Variants in PPT1 observed in about 807,000 individuals in gnomAD.
PPT1 encodes the protein palmitoyl-protein thioesterase 1.
PPT1 carries 24 observed loss-of-function variants against 44.0 expected under a neutral mutation model. The observed-to-expected ratio is 0.54, with a 90% CI of 0.39 to 0.77. The LOEUF is 0.77. Ranked by LOEUF, PPT1 falls within the 30% of genes least tolerant of loss-of-function variation. The probability of loss-of-function intolerance (pLI) is 0.00; values close to 1 mark genes in which losing one functional copy is unlikely to be tolerated. For missense variants in PPT1, 341 were observed against 378.8 expected, an observed-to-expected ratio of 0.90 and a Z score of 0.83; for synonymous variants, 148 against 140.2, an observed-to-expected ratio of 1.06 and a Z score of -0.39.
chr1:40,091,911 T>A, intron 3 of PPT1, 134 bp downstream of exon 3: 1 of 1,151,764 alleles, frequency 8.7e-7, no homozygotes, highest in Non-Finnish European at 1.2e-6. Flanking sequence ...TAAAGCTTCT[T>A]ACACAGGAAC....
Position 40,073,925 on chromosome 1 carries a change from A to G in PPT1, c.*136T>C, listed in dbSNP as rs1431178855. On this transcript the variant is annotated 3_prime_UTR_variant, in exon 9 of 9. Transcript: ENST00000642050. ...AAGATTCAGATCTTAGATCTTTCCA[A>G]GTAGGGCATGTTAGATGATAGAAGG... 3 of 1,181,994 alleles carry G rather than the reference A, an allele frequency of 2.5e-6. No homozygotes were observed. The Admixed American group carries it at 5.3e-5, about 21-fold the overall frequency. 73.2% of individuals were successfully genotyped at this position (1,181,994 alleles called of 1,614,324 possible). A position where few individuals can be genotyped will look rare whatever the true frequency, so the allele number is the denominator to read the frequency against.
intron 5 of PPT1, among the ~76,000 whole-genome samples, chr1:40,085,063 G>C (rs76236542): frequency 2.6e-5 from 4 of 151,252 alleles, no homozygotes; most frequent in African/African-American, 7.3e-5. Flanking sequence ...TGTGGAGGGC[G>C]TGACATCAGT....
chr1:40,081,083 T>A (rs1488907884), intron 5 of PPT1, among the ~76,000 whole-genome samples: 1 of 152,222 alleles, frequency 6.6e-6, no homozygotes, highest in African/African-American at 2.4e-5. Context: ...ATACTTATCA[T>A]GCTGATATGG....
At chr1:40,095,441 C>T (rs574171914) in intron 1 of PPT1, among the ~76,000 whole-genome samples, 6 of 152,084 alleles carry the variant, frequency 3.9e-5, no homozygotes, top group African/African-American at 1.2e-4. Context: ...CTGTCCTAGA[C>T]TCCACACTCC....
In PPT1 at chr1:40,072,739, C is replaced by T. The variant is rs1648288248; in HGVS notation, c.*1322G>A. 1 of 152,294 alleles carries T rather than the reference C, an allele frequency of 6.6e-6. No homozygotes were observed. The highest frequency in any genetic ancestry group is 1.5e-5 in the Non-Finnish European group (1 of 68,004). The allele number at this position is 152,294 out of a possible 1,614,324, so 9.4% of individuals were successfully genotyped here. On this transcript the variant is annotated 3_prime_UTR_variant, in exon 9 of 9. Transcript: ENST00000642050. ...AGAAACTACTCTTTATTTTAGACAACCTCATAAAATTATTTTCACATCCCC... is the reference window on the plus strand; with the variant it reads ...AGAAACTACTCTTTATTTTAGACAATCTCATAAAATTATTTTCACATCCCC...
rs1341312978 is a variant in PPT1, at chr1:40,097,096, A to C, written c.124+19T>G. ...AGAGAGAGAATCGCCAAACCCTTTTAAATTTCTCACTCACTCACCCATCCC... is the reference window on the plus strand; with the variant it reads ...AGAGAGAGAATCGCCAAACCCTTTTCAATTTCTCACTCACTCACCCATCCC... On this transcript the variant is annotated intron_variant, in intron 1 of 8. Transcript: ENST00000642050. 20 of 1,613,976 alleles carry C rather than the reference A, an allele frequency of 1.2e-5. No homozygotes were observed. The highest frequency in any genetic ancestry group is 1.7e-5 in the Non-Finnish European group (20 of 1,179,860).
chr1:40,077,011 T>G, intron 7 of PPT1, 98 bp from the exon 8 acceptor site: 2 of 1,400,034 alleles, frequency 1.4e-6, no homozygotes, highest in Non-Finnish European at 2.0e-6. Context: ...GCCAACAAAG[T>G]GAACATCATA....
intron 5 of PPT1, 109 bp downstream of exon 5, chr1:40,089,301 C>CAA: frequency 3.0e-6 from 1 of 336,800 alleles, no homozygotes; most frequent in Non-Finnish European, 5.4e-6. Flanking sequence ...AAAAAGATCT[C>CAA]ATTTGAATAT....
chr1:40,072,930 AAGCG>A lies in PPT1; in HGVS notation c.*1127_*1130del, dbSNP rs1456729395. On this transcript the variant is annotated 3_prime_UTR_variant, in exon 9 of 9. Transcript: ENST00000642050. ...ACATGCTACAGAAATGTCTTCCAAA[AAGCG>A]TTAAGTTTTCACAGAGTGGGGACTA... 6.6e-6 allele frequency: 1 copy of A among 152,306 alleles called. No individual in the cohort carries two copies. The highest frequency in any genetic ancestry group is 1.9e-4 in the East Asian group (1 of 5,184). The allele number at this position is 152,306 out of a possible 1,614,324, so 9.4% of individuals were successfully genotyped here.
At chr1:40,080,540 C>T (rs1648878222) in intron 5 of PPT1, 53 bp from the exon 6 acceptor site, 43 of 1,550,048 alleles carry the variant, frequency 2.8e-5, no homozygotes, top group African/African-American at 8.2e-5. Context: ...GTCAGTACGC[C>T]CAGGGCATGC....
At chr1:40,082,057 T>G (rs1448666741) in intron 5 of PPT1, 1 of 152,348 alleles carries the variant, frequency 6.6e-6, no homozygotes, top group Non-Finnish European at 1.5e-5. Context: ...CTCTCTCCAC[T>G]TCCTCTTCCC....
intron 5 of PPT1, among the ~76,000 whole-genome samples, chr1:40,081,262 T>A (rs1008290315): frequency 2.6e-5 from 4 of 152,032 alleles, no homozygotes; most frequent in Admixed American, 2.6e-4. Context: ...TGGGCCAGAT[T>A]CTGTGGCTCA....
At chr1:40,093,326 CCACTGAGATACAGAAAA>C (rs1421189587) in intron 1 of PPT1, among the ~76,000 whole-genome samples, 1 of 152,008 alleles carries the variant, frequency 6.6e-6, no homozygotes, top group African/African-American at 2.4e-5. Context: ...ACAGGCAAAT[CCACTGAGATACAGAAAA>C]CTAAGCTGGA....
chr1:40,093,405 T>C (rs1649670973), intron 1 of PPT1, among the ~76,000 whole-genome samples: 1 of 127,184 alleles, frequency 7.9e-6, no homozygotes, highest in Admixed American at 8.7e-5. Flanking sequence ...GCTTAATGGC[T>C]ATGTGTGTTT....
intron 8 of PPT1, among the ~76,000 whole-genome samples, chr1:40,075,477 C>T (rs1392331883): frequency 2.1e-5 from 3 of 144,702 alleles, no homozygotes; most frequent in African/African-American, 2.6e-5. Flanking sequence ...TTTCTCAAGC[C>T]TTTTTTTTTT....
chr1:40,075,403 A>C (rs569198841), intron 8 of PPT1, among the ~76,000 whole-genome samples: 3 of 152,022 alleles, frequency 2.0e-5, no homozygotes, highest in Non-Finnish European at 4.4e-5. Context: ...CAGTGCCAGA[A>C]TGGTGCTTCT....
At chr1:40,072,679 C>T (rs943988587), downstream of PPT1, 1 of 152,508 alleles carries the variant, frequency 6.6e-6, no homozygotes, top group Non-Finnish European at 1.5e-5. Context: ...ATTGGCTGTA[C>T]AGAAATGCAA....
intron 3 of PPT1, 143 bp downstream of exon 3, chr1:40,091,902 A>G: frequency 9.3e-7 from 1 of 1,074,326 alleles, no homozygotes; most frequent in South Asian, 1.6e-5. Flanking sequence ...TAAGTTCCAT[A>G]AAGCTTCTTA....
chr1:40,080,914 C>A (rs1389545325), intron 5 of PPT1, among the ~76,000 whole-genome samples: 1 of 152,120 alleles, frequency 6.6e-6, no homozygotes, highest in African/African-American at 2.4e-5. Flanking sequence ...AAGTCCCAGG[C>A]CTTACCCTTT....
Sources: gnomAD v4.1 joint callset for allele counts (sites outside exome capture counted in the v4.1 genomes callset) on GRCh38, gnomAD v4.1.1 for gene constraint, MANE v1.5 for transcripts, NCBI Gene and HGNC (gene_info 2026-07-23, HGNC 2026-07-21) for gene names.